The following GREB1L variants were observed in gnomAD, a reference collection of about 807,000 sequenced individuals.
The protein encoded by GREB1L is GREB1 like retinoic acid receptor coactivator, also known as GREB1-like protein.
Under a neutral mutation model 200.8 loss-of-function variants are expected in GREB1L, and 17 were observed. The ratio of observed to expected loss-of-function variants is 0.08; its 90% CI spans 0.06 to 0.13. The LOEUF (loss-of-function observed/expected upper bound fraction) is 0.13, where lower values mean the gene tolerates loss of function less well. Ranked by LOEUF, GREB1L falls within the 10% of genes least tolerant of loss-of-function variation. The pLI, the probability that GREB1L is intolerant of heterozygous loss-of-function variation, is 1.00. For missense variants in GREB1L, 1,657 were observed against 2,367.7 expected (o/e 0.70, Z 6.23); for synonymous variants, 789 against 893.0 (o/e 0.88, Z 2.08).
At chr18:21,340,582 G>A (rs1425656627) in intron 1 of GREB1L, among the ~76,000 whole-genome samples, 9 of 148,296 alleles carry the variant, frequency 6.1e-5, no homozygotes, top group Non-Finnish European at 8.9e-5. Context: ...TTGCTCTGTC[G>A]CCCAGGCTGG....
intron 27 of GREB1L, among the ~76,000 whole-genome samples, chr18:21,510,701 C>G (rs2037205820): frequency 6.6e-6 from 1 of 152,152 alleles, no homozygotes. Flanking sequence ...GGGTATGTAT[C>G]TAGAAGCGAG....
At chr18:21,518,514 G>T (rs553957780) in intron 31 of GREB1L, among the ~76,000 whole-genome samples, 15 of 152,238 alleles carry the variant, frequency 9.9e-5, no homozygotes, top group African/African-American at 3.6e-4. Context: ...ATACAACTCA[G>T]CTGTCAGCTC....
At chr18:21,508,623 C>G in intron 27 of GREB1L, 32 bp downstream of exon 27, 1 of 1,526,236 alleles carries the variant, frequency 6.6e-7, no homozygotes, top group East Asian at 2.5e-5. Flanking sequence ...GGGAGAAGGG[C>G]TTCGAAGATA....
intron 1 of GREB1L, among the ~76,000 whole-genome samples, chr18:21,262,917 G>T (rs1367309913): frequency 1.3e-5 from 2 of 152,114 alleles, no homozygotes; most frequent in African/African-American, 4.8e-5. Context: ...GGGCTTACAG[G>T]GGTATTTTCA....
intron 24 of GREB1L, 95 bp from the exon 25 acceptor site, chr18:21,505,715 T>C (rs1050327344): frequency 2.8e-6 from 4 of 1,423,054 alleles, no homozygotes; most frequent in Non-Finnish European, 3.8e-6. Context: ...ACAGAATACA[T>C]GGAAAAGTCA....
At chr18:21,329,966 T>C (rs981734132) in intron 1 of GREB1L, among the ~76,000 whole-genome samples, 1 of 107,368 alleles carries the variant, frequency 9.3e-6, no homozygotes, top group Non-Finnish European at 2.0e-5. Context: ...ATGGTTTTTT[T>C]TTTGGGGGGG....
chr18:21,247,431 C>T (rs1019397629), intron 1 of GREB1L, among the ~76,000 whole-genome samples: 6 of 152,138 alleles, frequency 3.9e-5, no homozygotes, highest in African/African-American at 1.4e-4. Flanking sequence ...TGAACTATAT[C>T]TTGTATTGTC....
chr18:21,477,684 G>A (rs1234100084), intron 17 of GREB1L, among the ~76,000 whole-genome samples: 1 of 151,988 alleles, frequency 6.6e-6, no homozygotes, highest in Non-Finnish European at 1.5e-5. Flanking sequence ...TATTCAGGAG[G>A]CTGAGGCAGG....
chr18:21,522,150 G>C (rs1202924953), intron 32 of GREB1L, among the ~76,000 whole-genome samples: 1 of 151,890 alleles, frequency 6.6e-6, no homozygotes, highest in East Asian at 1.9e-4. Flanking sequence ...AATGTGGTTG[G>C]AAGATTACTT....
At chr18:21,287,714 T>C (rs2038379768) in intron 1 of GREB1L, among the ~76,000 whole-genome samples, 1 of 152,182 alleles carries the variant, frequency 6.6e-6, no homozygotes, top group East Asian at 1.9e-4. Flanking sequence ...AAGAGTCTAA[T>C]AGGTTTTCGC....
Position 21,524,269 on chromosome 18 carries a change from G to T in GREB1L, c.*1448G>T, listed in dbSNP as rs892277824. 6.6e-6 allele frequency: 1 copy of T among 152,080 alleles called. No homozygotes were observed. The highest frequency in any genetic ancestry group is 6.6e-5 in the Admixed American group (1 of 15,258). The allele number at this position is 152,080 out of a possible 1,614,324, so 9.4% of individuals were successfully genotyped here. On this transcript the variant is annotated 3_prime_UTR_variant, in exon 33 of 33. Coordinates refer to ENST00000424526, the MANE Select transcript of GREB1L (RefSeq NM_001142966.3). Reference sequence around the variant, plus strand: ...AGCTTTATTATCTTATGACAACAAGGAGTTTACAAAGCTAGTGAAAAAATG... The same window carrying T: ...AGCTTTATTATCTTATGACAACAAGTAGTTTACAAAGCTAGTGAAAAAATG...
intron 23 of GREB1L, among the ~76,000 whole-genome samples, chr18:21,504,037 G>A (rs2036913426): frequency 6.9e-6 from 1 of 145,806 alleles, no homozygotes; most frequent in Non-Finnish European, 1.5e-5. Flanking sequence ...CGTCTCAGGG[G>A]TTCAAGTGAT....
At chr18:21,494,579 A>T (rs1446936583) in intron 19 of GREB1L, among the ~76,000 whole-genome samples, 1 of 152,124 alleles carries the variant, frequency 6.6e-6, no homozygotes, top group African/African-American at 2.4e-5. Flanking sequence ...ACACCTGTCC[A>T]CGGCACTCCA....
chr18:21,267,326 T>A (rs1347955374), intron 1 of GREB1L, among the ~76,000 whole-genome samples: 6 of 151,180 alleles, frequency 4.0e-5, no homozygotes, highest in Non-Finnish European at 4.4e-5. Context: ...GGATTACAGG[T>A]GCATGCCACC....
intron 1 of GREB1L, among the ~76,000 whole-genome samples, chr18:21,326,356 A>C (rs1195678741): frequency 2.0e-5 from 3 of 152,220 alleles, no homozygotes; most frequent in South Asian, 2.1e-4. Flanking sequence ...TAGATTAAAT[A>C]AAATAGAATT....
intron 1 of GREB1L, among the ~76,000 whole-genome samples, chr18:21,247,243 A>C (rs972289291): frequency 1.3e-5 from 2 of 152,060 alleles, no homozygotes; most frequent in African/African-American, 4.8e-5. Context: ...CCTTCAGTGC[A>C]GTTGTTTTTG....
chr18:21,495,538 A>G (rs1598926458), intron 19 of GREB1L, 132 bp from the exon 20 acceptor site: 2 of 647,252 alleles, frequency 3.1e-6, no homozygotes, highest in Admixed American at 3.1e-5. Flanking sequence ...ATATACATAC[A>G]TAAACATATG....
intron 29 of GREB1L, among the ~76,000 whole-genome samples, chr18:21,516,219 C>T (rs904258929): frequency 6.6e-6 from 1 of 152,192 alleles, no homozygotes; most frequent in African/African-American, 2.4e-5. Context: ...TTATGCCAAA[C>T]TTACGGTTAT....
At chr18:21,316,440 C>T (rs1165330166) in intron 1 of GREB1L, among the ~76,000 whole-genome samples, 1 of 152,124 alleles carries the variant, frequency 6.6e-6, no homozygotes, top group Non-Finnish European at 1.5e-5. Context: ...AAATTTGTCT[C>T]CCAGATCTTT....
Sources: allele counts gnomAD v4.1 joint callset (sites outside exome capture counted in the v4.1 genomes callset), GRCh38; gene constraint gnomAD v4.1.1; transcripts MANE v1.5; gene names NCBI Gene and HGNC (gene_info 2026-07-23, HGNC 2026-07-21).